The following OR56A1 variants were observed in gnomAD, a reference collection of about 807,000 sequenced individuals.
OR56A1 encodes the protein olfactory receptor 56A1.
For missense variants in OR56A1, 360 were observed against 380.9 expected (o/e 0.94, Z 0.46); for synonymous variants, 174 against 159.1 (o/e 1.09, Z -0.70).
chr11:6,027,549 G>A lies in OR56A1; in HGVS notation c.144C>T (p.Leu48=), dbSNP rs1258788888. ...FLLAMGANTT[L]LITIQLEASL... ...AGGCCTCCAGCTGGATGGTGATCAGGAGGGTGGTGTTAGCTCCCATGGCCA... is the reference window on the plus strand; with the variant it reads ...AGGCCTCCAGCTGGATGGTGATCAGAAGGGTGGTGTTAGCTCCCATGGCCA... The change falls in exon 2 of 2, where the codon CTC becomes CTT. Residue 48 remains leucine (L), a synonymous_variant. Transcript: ENST00000641900. 2 of 1,614,080 alleles carry A rather than the reference G, an allele frequency of 1.2e-6. No individual in the cohort carries two copies. The highest frequency in any genetic ancestry group is 1.7e-6 in the Non-Finnish European group (2 of 1,180,022).
intron 1 of OR56A1, among the ~76,000 whole-genome samples, chr11:6,029,477 C>G (rs1848492256): frequency 6.6e-6 from 1 of 152,120 alleles, no homozygotes. Context: ...CTCACTGTCT[C>G]CATTCCCTCA....
intron 1 of OR56A1, among the ~76,000 whole-genome samples, chr11:6,029,917 G>T (rs1848496357): frequency 6.6e-6 from 1 of 152,088 alleles, no homozygotes; most frequent in Non-Finnish European, 1.5e-5. Flanking sequence ...GTATCAACCT[G>T]GGTTTCCCAA....
chr11:6,030,599 G>A (rs1053330646), intron 1 of OR56A1, 103 bp downstream of exon 1: 1 of 152,126 alleles, frequency 6.6e-6, no homozygotes, highest in Admixed American at 6.6e-5. Context: ...TGCTCCCTGA[G>A]CTTCAGCCAC....
chr11:6,023,585 C>T lies in OR56A1; in HGVS notation c.*3163G>A, dbSNP rs1848418112. On this transcript the variant is annotated 3_prime_UTR_variant, in exon 2 of 2. Coordinates refer to ENST00000641900, the MANE Select transcript of OR56A1 (RefSeq NM_001388488.1). ...CACACAAATATGACTAACCTGCAAA[C>T]CAGGGAGTGAGGGGAGTGACCTTTG... 1.3e-5 allele frequency: 2 copies of T among 152,296 alleles called. No homozygotes were observed. The highest frequency in any genetic ancestry group is 4.8e-5 in the African/African-American group (2 of 41,568). 9.4% of individuals were successfully genotyped at this position (152,296 alleles called of 1,614,324 possible). A position where few individuals can be genotyped will look rare whatever the true frequency, so the allele number is the denominator to read the frequency against.
chr11:6,028,940 A>T (rs1424574657), intron 1 of OR56A1, among the ~76,000 whole-genome samples: 1 of 152,122 alleles, frequency 6.6e-6, no homozygotes, highest in Admixed American at 6.6e-5. Context: ...ACACAATGGA[A>T]TACTACTCAG....
intron 1 of OR56A1, among the ~76,000 whole-genome samples, chr11:6,029,810 T>C (rs538677859): frequency 6.6e-6 from 1 of 152,280 alleles, no homozygotes; most frequent in Non-Finnish European, 1.5e-5. Context: ...TTCTTCCACT[T>C]CTTTTATCTT....
Position 6,022,590 on chromosome 11 carries a change from C to T in OR56A1, c.*4158G>A, listed in dbSNP as rs1848408342. 1 of 152,076 alleles carries T rather than the reference C, an allele frequency of 6.6e-6. No individual in the cohort carries two copies. Among genetic ancestry groups the T allele is most frequent in the Non-Finnish European group, 1.5e-5 (1 of 67,994 alleles). 9.4% of individuals were successfully genotyped at this position (152,076 alleles called of 1,614,324 possible). On this transcript the variant is annotated 3_prime_UTR_variant, in exon 2 of 2. Transcript: ENST00000641900. The stretch of plus-strand genomic sequence containing the variant: ...AAAGATTAAAAATATACCTCAATCC[C>T]TAGACTCTGAAGAAGCAAAAATGGG...
chr11:6,027,272 T>G lies in OR56A1; in HGVS notation c.421A>C (p.Asn141His), dbSNP rs760511839. The G allele has an allele frequency of 1.4e-5, 23 of 1,614,024 alleles. No individual in the cohort carries two copies. Among genetic ancestry groups the G allele is most frequent in the South Asian group, 3.3e-5 (3 of 91,078 alleles). Residue 141 changes from asparagine to histidine, a missense_variant, in exon 2 of 2, where the codon AAT becomes CAT. Physicochemically the swap from Asn to His is moderately conservative, Grantham distance 68 (BLOSUM62 1). Transcript: ENST00000641900. ...ACACTAGCTTTGGCCACAAATTGAT[T>G]AGTGATGATGGATGGGTACCGCAGT... ...HPLRYPSIIT[N>H]QFVAKASVFI... is the part of the protein sequence containing the mutation.
At chr11:6,028,050 T>C (rs903387608) in intron 1 of OR56A1, among the ~76,000 whole-genome samples, 1 of 152,130 alleles carries the variant, frequency 6.6e-6, no homozygotes, top group Non-Finnish European at 1.5e-5. Context: ...CAATGGTAGA[T>C]GATAAGTTTT....
rs1489447087 is a variant in OR56A1 at position 6,021,430 on chromosome 11, G to A, written c.*5318C>T. 6.6e-6 allele frequency: 1 copy of A among 152,066 alleles called. No homozygotes were observed. Among genetic ancestry groups the A allele is most frequent in the African/African-American group, 2.4e-5 (1 of 41,426 alleles). 9.4% of individuals were successfully genotyped at this position (152,066 alleles called of 1,614,324 possible). A position where few individuals can be genotyped will look rare whatever the true frequency, so the allele number is the denominator to read the frequency against. ...TACCCAACACAAAGTAATGATAAAT[G>A]TTTGAGATGATGGATATGCTAATTA... On this transcript the variant is annotated 3_prime_UTR_variant, in exon 2 of 2. Coordinates refer to ENST00000641900, the MANE Select transcript of OR56A1 (RefSeq NM_001388488.1).
In OR56A1 at chr11:6,027,253, G is replaced by A. The variant is rs1277122747; in HGVS notation, c.440C>T (p.Ala147Val). 1 of 1,614,232 alleles carries A rather than the reference G, an allele frequency of 6.2e-7. No homozygotes were observed. ...SIITNQFVAK[A>V]SVFIVVRNAL... ...ATTCCGCACCACAATGAAGACACTA[G>A]CTTTGGCCACAAATTGATTAGTGAT... The change falls in exon 2 of 2, where the codon GCT becomes GTT. Residue 147 changes from alanine (A) to valine (V), a missense_variant. Transcript: ENST00000641900.
chr11:6,029,603 G>A (rs181450624), intron 1 of OR56A1, among the ~76,000 whole-genome samples: 1 of 152,066 alleles, frequency 6.6e-6, no homozygotes, highest in Non-Finnish European at 1.5e-5. Flanking sequence ...TGAAACAGTT[G>A]ATCAAATCCT....
In OR56A1 at chr11:6,027,600, G is replaced by A. The variant is rs540452740; in HGVS notation, c.93C>T (p.Ser31=). The change falls in exon 2 of 2, where the codon TCC becomes TCT. Residue 31 remains serine (S), a synonymous_variant. Coordinates refer to ENST00000641900, the MANE Select transcript of OR56A1 (RefSeq NM_001388488.1). ...GGAGGAAGAGAAGGCTGAGGGGCAG[G>A]GAGAGCCAGTGCTGCCAACTCTGGA... ...PNFQSWQHWL[S]LPLSLLFLLA... is the part of the protein sequence containing the mutation. 8.1e-6 allele frequency: 13 copies of A among 1,613,264 alleles called. No homozygotes were observed. The highest frequency in any genetic ancestry group is 8.0e-5 in the African/African-American group (6 of 75,034).
At position 6,027,016 on chromosome 11, in the gene OR56A1, C is replaced by T; in HGVS notation, c.677G>A (p.Arg226Lys). Reference protein sequence around the residue: ...LIFLSYTFILRAVLRFKAEGA... With the variant: ...LIFLSYTFILKAVLRFKAEGA... ...CTCTGCTTTGAATCTAAGCACAGCT[C>T]TTAGAATGAAGGTGTAAGAGAGGAA... Residue 226 changes from arginine (R) to lysine (K), a missense_variant, in exon 2 of 2, where the codon AGA (arginine) becomes AAA (lysine). By Grantham distance (26) the Arg-to-Lys change is conservative. Coordinates refer to ENST00000641900, the MANE Select transcript of OR56A1 (RefSeq NM_001388488.1). 1 of 1,614,136 alleles carries T rather than the reference C, an allele frequency of 6.2e-7. No individual in the cohort carries two copies. Among genetic ancestry groups the T allele is most frequent in the African/African-American group, 1.3e-5 (1 of 75,024 alleles).
rs982045335 is a variant in OR56A1 at position 6,020,136 on chromosome 11, A to G, written c.*6612T>C. 2 of 152,120 alleles carry G rather than the reference A, an allele frequency of 1.3e-5. No individual in the cohort carries two copies. The highest frequency in any genetic ancestry group is 2.9e-5 in the Non-Finnish European group (2 of 67,974). 9.4% of individuals were successfully genotyped at this position (152,120 alleles called of 1,614,324 possible). On this transcript the variant is annotated 3_prime_UTR_variant, in exon 2 of 2. Transcript: ENST00000641900. ...ACAACGGCATCTCTTGACAGACCACAAGAATTCTGCATAAACTCAAAAGCT... is the reference window on the plus strand; with the variant it reads ...ACAACGGCATCTCTTGACAGACCACGAGAATTCTGCATAAACTCAAAAGCT...
chr11:6,022,975 T>TTTC lies in OR56A1; in HGVS notation c.*3772_*3773insGAA, dbSNP rs1388566351. The TTTC allele has an allele frequency of 1.3e-5, 2 of 152,198 alleles. No homozygotes were observed. Among genetic ancestry groups the TTTC allele is most frequent in the East Asian group, 3.8e-4 (2 of 5,196 alleles). 9.4% of individuals were successfully genotyped at this position (152,198 alleles called of 1,614,324 possible). A position where few individuals can be genotyped will look rare whatever the true frequency, so the allele number is the denominator to read the frequency against. On this transcript the variant is annotated 3_prime_UTR_variant, in exon 2 of 2. Transcript: ENST00000641900. Reference sequence around the variant, plus strand: ...TTTGGTATTGACTTTTAAATGTTGCTGAAGAAAAGAAAATCATGGTATAAA... The same window carrying TTTC: ...TTTGGTATTGACTTTTAAATGTTGCTTTCGAAGAAAAGAAAATCATGGTATAAA...
In OR56A1 at chr11:6,021,422, T is replaced by C. The variant is rs1370778071; in HGVS notation, c.*5326A>G. ...ATTGAATATACCCAACACAAAGTAA[T>C]GATAAATGTTTGAGATGATGGATAT... On this transcript the variant is annotated 3_prime_UTR_variant, in exon 2 of 2. Transcript: ENST00000641900. 2.0e-5 allele frequency: 3 copies of C among 152,120 alleles called. No homozygotes were observed. Among genetic ancestry groups the C allele is most frequent in the Non-Finnish European group, 4.4e-5 (3 of 67,980 alleles). The allele number at this position is 152,120 out of a possible 1,614,324, so 9.4% of individuals were successfully genotyped here.
rs1333498172 is a variant in OR56A1, at chr11:6,022,737, G to T, written c.*4011C>A. 1 of 152,058 alleles carries T rather than the reference G, an allele frequency of 6.6e-6. No individual in the cohort carries two copies. Among genetic ancestry groups the T allele is most frequent in the African/African-American group, 2.4e-5 (1 of 41,386 alleles). 9.4% of individuals were successfully genotyped at this position (152,058 alleles called of 1,614,324 possible). On this transcript the variant is annotated 3_prime_UTR_variant, in exon 2 of 2. Transcript: ENST00000641900. ...TGCAAAAATGGGAATTATAATTCAT[G>T]GGCTATTTTGACCATAATCTCTCTA...
Position 6,030,696 on chromosome 11 carries a change from A to G in OR56A1, c.-35+6T>C, listed in dbSNP as rs1848504072. 6.6e-6 allele frequency: 1 copy of G among 152,038 alleles called. No homozygotes were observed. Among genetic ancestry groups the G allele is most frequent in the East Asian group, 1.9e-4 (1 of 5,182 alleles). 9.4% of individuals were successfully genotyped at this position (152,038 alleles called of 1,614,324 possible). A position where few individuals can be genotyped will look rare whatever the true frequency, so the allele number is the denominator to read the frequency against. ...TGTGCATCTTATGCTTCTACACAAC[A>G]CTTACTTTCTCCTCATCCTTTACAT... On this transcript the variant is annotated splice_donor_region_variant and intron_variant, in intron 1 of 1. Transcript: ENST00000641900.
Sources: allele counts gnomAD v4.1 joint callset (sites outside exome capture counted in the v4.1 genomes callset), GRCh38; gene constraint gnomAD v4.1.1; transcripts MANE v1.5; gene names NCBI Gene and HGNC (gene_info 2026-07-23, HGNC 2026-07-21).